CCDC3: variants seen among roughly 807,000 people sequenced by gnomAD.
The protein encoded by CCDC3 is coiled-coil domain containing 3, also known as coiled-coil domain-containing protein 3.
In CCDC3, 24 loss-of-function variants were observed where a neutral mutation model predicts 21.4. The ratio of observed to expected loss-of-function variants is 1.12; its 90% CI spans 0.81 to 1.58. The LOEUF (loss-of-function observed/expected upper bound fraction) is 1.58, where lower values mean the gene tolerates loss of function less well. Among genes scored for constraint, CCDC3 ranks in the 40% most tolerant of loss-of-function variants. The pLI is 0.00. For synonymous variants in CCDC3, 186 were observed against 166.0 expected (o/e 1.12, Z -0.93); for missense variants, 425 against 360.9 (o/e 1.18, Z -1.44).
chr10:12,898,145 C>T lies in CCDC3; in HGVS notation c.*271G>A, dbSNP rs1834030037. The T allele has an allele frequency of 8.3e-6, 4 of 482,106 alleles. No homozygotes were observed. The highest frequency in any genetic ancestry group is 3.8e-5 in the African/African-American group (2 of 52,018). The allele number at this position is 482,106 out of a possible 1,614,324, so 29.9% of individuals were successfully genotyped here. A position where few individuals can be genotyped will look rare whatever the true frequency, so the allele number is the denominator to read the frequency against. On this transcript the variant is annotated 3_prime_UTR_variant, in exon 3 of 3. Coordinates refer to ENST00000378825, the MANE Select transcript of CCDC3 (RefSeq NM_031455.4). ...GGCTCTTTCTGGGCTGCTCTGCAGG[C>T]GAGCATTCAGCACTCAGGGATCCCA...
At chr10:13,085,672 C>G (rs1263965862) in intron 3 of CCDC3, among the ~76,000 whole-genome samples, 1 of 152,064 alleles carries the variant, frequency 6.6e-6, no homozygotes, top group Non-Finnish European at 1.5e-5. Context: ...ATCAGAAATT[C>G]AAGGGACCAT....
intron 5 of CCDC3, among the ~76,000 whole-genome samples, chr10:13,045,256 A>G (rs1836508938): frequency 6.6e-6 from 1 of 152,248 alleles, no homozygotes; most frequent in South Asian, 2.1e-4. Flanking sequence ...CTGTGACCAT[A>G]TGGCTCCAGG....
chr10:13,074,153 A>ATATATATTTTTTTTT (rs1365749317), intron 3 of CCDC3: 3 of 64,308 alleles, frequency 4.7e-5, no homozygotes, highest in South Asian at 1.4e-3. Context: ...ATATATATAT[A>ATATATATTTTTTTTT]TTTTTTTTTT....
intron 2 of CCDC3, among the ~76,000 whole-genome samples, chr10:12,985,051 C>T (rs1317926501): frequency 6.6e-6 from 1 of 152,134 alleles, no homozygotes; most frequent in Non-Finnish European, 1.5e-5. Flanking sequence ...ACTGTTTACG[C>T]TATTCATAGC....
At position 12,928,633 on chromosome 10, in the gene CCDC3, G is replaced by A. The variant is rs1425965533; in HGVS notation, c.550-29954C>T. Among the ~76,000 whole-genome samples the A allele has an allele frequency of 2.0e-5, 3 of 152,184 alleles. No individual in the cohort carries two copies. In the South Asian group the frequency reaches 6.2e-4, roughly 32 times the overall value. ...GTGTATATTTAATACCATTGGCTAA[G>A]TCGTAACAATCATCCAAGTCAACCG... On this transcript the variant is annotated intron_variant, in intron 2 of 2. Transcript: ENST00000378825.
At chr10:12,983,888 T>G (rs968061181) in intron 2 of CCDC3, among the ~76,000 whole-genome samples, 2 of 152,140 alleles carry the variant, frequency 1.3e-5, no homozygotes, top group Non-Finnish European at 2.9e-5. Context: ...GAGACCAGCC[T>G]GGCCAACATG....
chr10:13,058,641 G>A (rs975319981), intron 4 of CCDC3: 10 of 564,112 alleles, frequency 1.8e-5, no homozygotes, highest in Non-Finnish European at 2.5e-5. Flanking sequence ...ATCTCTTCAA[G>A]TTGGCCTTAT....
chr10:13,062,902 C>T (rs1836775007), intron 4 of CCDC3, among the ~76,000 whole-genome samples: 1 of 151,974 alleles, frequency 6.6e-6, no homozygotes, highest in Non-Finnish European at 1.5e-5. Context: ...AATAAACTTG[C>T]TCATCTGCTC....
chr10:13,012,153 C>G (rs571170061), intron 5 of CCDC3, among the ~76,000 whole-genome samples: 1 of 151,586 alleles, frequency 6.6e-6, no homozygotes, highest in African/African-American at 2.4e-5. Flanking sequence ...GATTTCATGA[C>G]GAACATGCCA....
At chr10:13,070,912 T>C (rs1160557244) in intron 4 of CCDC3, among the ~76,000 whole-genome samples, 1 of 152,242 alleles carries the variant, frequency 6.6e-6, no homozygotes, top group African/African-American at 2.4e-5. Flanking sequence ...TCATTGTTTT[T>C]AACTTTTTGC....
rs201286626 is a variant in CCDC3, at chr10:12,898,522, C to T, written c.707G>A (p.Arg236His). ...TTTCTGGTTCGCCAGCTCCAGGTGG[C>T]GGCCCTTCTTACGCGCCTGCCGCAA... ...RSLRQARKKG[R>H]HLELANQKLS... The change falls in exon 3 of 3, where the codon CGC becomes CAC. Residue 236 changes from arginine to histidine, a missense_variant. Physicochemically the swap from Arg to His is conservative, Grantham distance 29. Transcript: ENST00000378825. The T allele has an allele frequency of 4.2e-5, 67 of 1,614,054 alleles. No individual in the cohort carries two copies. Among genetic ancestry groups the T allele is most frequent in the Middle Eastern group, 1.6e-4 (1 of 6,084 alleles).
chr10:13,098,253 T>C (rs1173801717), intron 3 of CCDC3, among the ~76,000 whole-genome samples: 1 of 152,204 alleles, frequency 6.6e-6, no homozygotes, highest in African/African-American at 2.4e-5. Context: ...GGTGACCTTC[T>C]TCTCTTGGCT....
Position 12,936,923 on chromosome 10 carries a change from C to T in CCDC3, c.550-38244G>A, listed in dbSNP as rs540161510. On this transcript the variant is annotated intron_variant, in intron 2 of 2. Transcript: ENST00000378825. ...TGGGTGACCTAGTGAGATCCTGTCT[C>T]AACTAACTAAAGAAATAAAAAACAC... Among the ~76,000 whole-genome samples, 3 of 152,264 alleles carry T rather than the reference C, an allele frequency of 2.0e-5. No homozygotes were observed. In the South Asian group the frequency reaches 6.2e-4, roughly 32 times the overall value.
chr10:13,056,307 G>C (rs1836680658), intron 4 of CCDC3, among the ~76,000 whole-genome samples: 1 of 152,150 alleles, frequency 6.6e-6, no homozygotes, highest in Non-Finnish European at 1.5e-5. Flanking sequence ...ATGGGGCCTA[G>C]AAATGGCGCA....
At chr10:13,068,296 C>A (rs1406612562) in intron 4 of CCDC3, among the ~76,000 whole-genome samples, 1 of 152,056 alleles carries the variant, frequency 6.6e-6, no homozygotes, top group Non-Finnish European at 1.5e-5. Context: ...CGAAAAATTT[C>A]ACAGCTACTG....
chr10:12,959,658 G>A (rs1187559518), intron 2 of CCDC3, among the ~76,000 whole-genome samples: 2 of 152,050 alleles, frequency 1.3e-5, no homozygotes, highest in African/African-American at 2.4e-5. Context: ...AGCTGGAAGG[G>A]GCCTTACAAA....
At chr10:12,966,514 C>T (rs1564301818) in intron 2 of CCDC3, among the ~76,000 whole-genome samples, 1 of 152,188 alleles carries the variant, frequency 6.6e-6, no homozygotes. Context: ...CTAGCTCTCC[C>T]CTTTTCCTCT....
At chr10:12,899,858 T>C (rs1210181046) in intron 2 of CCDC3, among the ~76,000 whole-genome samples, 2 of 152,226 alleles carry the variant, frequency 1.3e-5, no homozygotes, top group East Asian at 3.8e-4. Context: ...TTTTGTACTT[T>C]TTGAATTTTG....
intron 2 of CCDC3, among the ~76,000 whole-genome samples, chr10:12,904,865 C>T (rs922429134): frequency 1.3e-5 from 2 of 152,034 alleles, no homozygotes; most frequent in African/African-American, 4.8e-5. Context: ...GTGTGCCTGG[C>T]ACTGTATGGT....
Sources: allele counts gnomAD v4.1 joint callset (sites outside exome capture counted in the v4.1 genomes callset), GRCh38; gene constraint gnomAD v4.1.1; transcripts MANE v1.5; gene names NCBI Gene and HGNC (gene_info 2026-07-23, HGNC 2026-07-21).